RBFOX1: variants seen among roughly 807,000 people sequenced by gnomAD.
The protein encoded by RBFOX1 is RNA binding fox-1 homolog 1.
A neutral mutation model predicts 57.7 loss-of-function variants in RBFOX1; 8 were observed. That is an observed-to-expected ratio of 0.14 (90% CI 0.08 to 0.25). RBFOX1 has a LOEUF of 0.25. Ranked by LOEUF, RBFOX1 falls within the 10% of genes least tolerant of loss-of-function variation. RBFOX1 has a pLI of 1.00. For synonymous variants in RBFOX1, 326 were observed against 222.4 expected, an observed-to-expected ratio of 1.47 and a Z score of -4.15; for missense variants, 611 against 548.5, an observed-to-expected ratio of 1.11 and a Z score of -1.14.
intron 2 of RBFOX1, among the ~76,000 whole-genome samples, chr16:6,452,627 A>T (rs147105001): frequency 8.4e-4 from 128 of 152,336 alleles, no homozygotes; most frequent in African/African-American, 2.5e-3. Flanking sequence ...AGCATCAATG[A>T]GAAAAATGGG....
At chr16:5,705,674 A>C (rs1225874275) in intron 3 of RBFOX1, among the ~76,000 whole-genome samples, 1 of 152,202 alleles carries the variant, frequency 6.6e-6, no homozygotes, top group Admixed American at 6.5e-5. Context: ...AGAGAAAGAG[A>C]TGAGACCTGA....
intron 4 of RBFOX1, among the ~76,000 whole-genome samples, chr16:7,352,232 G>C (rs1328153525): frequency 6.6e-6 from 1 of 152,118 alleles, no homozygotes; most frequent in Admixed American, 6.5e-5. Context: ...CCTTTCCCAA[G>C]AGGTGAACTG....
chr16:7,318,890 G>A (rs528958334), intron 4 of RBFOX1, among the ~76,000 whole-genome samples: 4 of 152,178 alleles, frequency 2.6e-5, no homozygotes, highest in Admixed American at 2.6e-4. Flanking sequence ...AAATAACAAC[G>A]AAGGCTGCTT....
At chr16:6,756,558 G>T (rs952326409) in intron 3 of RBFOX1, among the ~76,000 whole-genome samples, 1 of 152,130 alleles carries the variant, frequency 6.6e-6, no homozygotes, top group African/African-American at 2.4e-5. Context: ...ATATTTGCAA[G>T]CTATTCAGTC....
chr16:5,374,517 A>T (rs1336168187), intron 1 of RBFOX1, among the ~76,000 whole-genome samples: 1 of 152,166 alleles, frequency 6.6e-6, no homozygotes, highest in Non-Finnish European at 1.5e-5. Context: ...CAGCAGTTTT[A>T]TCTGGAAGAA....
At chr16:7,235,000 G>C (rs2093698156) in intron 4 of RBFOX1, among the ~76,000 whole-genome samples, 1 of 152,134 alleles carries the variant, frequency 6.6e-6, no homozygotes, top group Non-Finnish European at 1.5e-5. Flanking sequence ...CCAAAAAACG[G>C]AATGTCTAAC....
At chr16:6,301,694 C>T (rs1025444499) in intron 1 of RBFOX1, among the ~76,000 whole-genome samples, 1 of 152,048 alleles carries the variant, frequency 6.6e-6, no homozygotes, top group African/African-American at 2.4e-5. Context: ...TTTATAAAAA[C>T]AGTTTAGGGG....
At position 5,377,679 on chromosome 16, in the gene RBFOX1, G is replaced by A. The variant is rs866380512; in HGVS notation, c.220-89537G>A. ...GGAGGCAGAGACGGAAGTTGAATGC[G>A]GACCTAGAGGTCCCAGGGGAAGGCG... On this transcript the variant is annotated intron_variant, in intron 1 of 2. Transcript: ENST00000585867. Among the ~76,000 whole-genome samples, 42 of 151,372 alleles carry A rather than the reference G, an allele frequency of 2.8e-4. 2 individuals are homozygous for A. The highest frequency in any genetic ancestry group is 9.3e-4 in the African/African-American group (38 of 40,676).
At chr16:7,518,858 A>G (rs1567637006) in intron 5 of RBFOX1, among the ~76,000 whole-genome samples, 1 of 152,132 alleles carries the variant, frequency 6.6e-6, no homozygotes, top group Non-Finnish European at 1.5e-5. Context: ...CCTCATCTCT[A>G]CAAGAAATTT....
intron 2 of RBFOX1, among the ~76,000 whole-genome samples, chr16:6,452,916 A>T (rs2094668542): frequency 6.6e-6 from 1 of 152,184 alleles, no homozygotes; most frequent in African/African-American, 2.4e-5. Context: ...TTGCACCTAG[A>T]AGGTGCTCAT....
intron 1 of RBFOX1, among the ~76,000 whole-genome samples, chr16:6,107,390 C>G (rs548834790): frequency 9.3e-4 from 142 of 152,210 alleles, no homozygotes; most frequent in African/African-American, 3.1e-3. Context: ...TATCCACATG[C>G]TCAGGGTACA....
intron 1 of RBFOX1, among the ~76,000 whole-genome samples, chr16:6,203,817 A>G (rs549765863): frequency 1.7e-4 from 26 of 152,136 alleles, no homozygotes; most frequent in Non-Finnish European, 3.5e-4. Flanking sequence ...TTAAAAATAG[A>G]AATACATCTG....
At chr16:5,325,524 A>G (rs896656957) in intron 1 of RBFOX1, among the ~76,000 whole-genome samples, 1 of 152,220 alleles carries the variant, frequency 6.6e-6, no homozygotes, top group African/African-American at 2.4e-5. Flanking sequence ...TTGCATATCT[A>G]TCACTATAGT....
chr16:7,321,264 C>T (rs2096541859), intron 4 of RBFOX1, among the ~76,000 whole-genome samples: 1 of 152,074 alleles, frequency 6.6e-6, no homozygotes, highest in Non-Finnish European at 1.5e-5. Context: ...CCTGCATCAG[C>T]CTCCTAAGTA....
intron 4 of RBFOX1, among the ~76,000 whole-genome samples, chr16:5,961,187 AT>A (rs1292038273): frequency 6.6e-6 from 1 of 152,038 alleles, no homozygotes; most frequent in Non-Finnish European, 1.5e-5. Context: ...CATTTGGGGC[AT>A]ATTCTATTCT....
Position 5,953,704 on chromosome 16 carries a change from TTA to T in RBFOX1, c.351+86390_351+86391del, listed in dbSNP as rs369586168. Among the ~76,000 whole-genome samples, 494 of 138,640 alleles carry T rather than the reference TTA, an allele frequency of 3.6e-3. 3 individuals are homozygous for T. Among genetic ancestry groups the T allele is most frequent in the African/African-American group, 0.011 (374 of 35,392 alleles). 91.0% of individuals were successfully genotyped at this position (138,640 alleles called of 152,430 possible). ...TTTTAGGGCTAAGTAGTCTTCTGTCTTATATATATATATATATATATAAAAAA... is the reference window on the plus strand; with the variant it reads ...TTTTAGGGCTAAGTAGTCTTCTGTCTTATATATATATATATATATAAAAAA... On this transcript the variant is annotated intron_variant, in intron 4 of 19. Coordinates refer to the RBFOX1 transcript ENST00000641259.
chr16:6,133,777 G>A (rs777234893), intron 1 of RBFOX1, among the ~76,000 whole-genome samples: 13 of 152,006 alleles, frequency 8.6e-5, no homozygotes, highest in Non-Finnish European at 1.3e-4. Flanking sequence ...GGTCTATCCT[G>A]CCACAGGGTC....
intron 4 of RBFOX1, among the ~76,000 whole-genome samples, chr16:5,870,063 T>G (rs7200316): frequency 0.27 from 40,689 of 151,066 alleles, 5,608 homozygotes; most frequent in Non-Finnish European, 0.29. Context: ...AAGAAAAATA[T>G]CAGAACAAAA....
At chr16:5,656,984 C>G (rs914855499) in intron 3 of RBFOX1, among the ~76,000 whole-genome samples, 11 of 152,002 alleles carry the variant, frequency 7.2e-5, no homozygotes, top group African/African-American at 2.7e-4. Context: ...TTAATGCGTG[C>G]GGGGCTTAAA....
Sources: allele counts gnomAD v4.1 joint callset (sites outside exome capture counted in the v4.1 genomes callset), GRCh38; gene constraint gnomAD v4.1.1; transcripts MANE v1.5; gene names NCBI Gene and HGNC (gene_info 2026-07-23, HGNC 2026-07-21).